Variants in PDZRN4 observed in about 807,000 individuals in gnomAD.
The protein encoded by PDZRN4 is PDZ domain-containing RING finger protein 4.
Under a neutral mutation model 99.0 loss-of-function variants are expected in PDZRN4, and 70 were observed. The observed-to-expected ratio is 0.71, with a 90% confidence interval of 0.58 to 0.86. PDZRN4 has a LOEUF of 0.86. Ranked by LOEUF, PDZRN4 falls within the 40% of genes least tolerant of loss-of-function variation. PDZRN4 has a pLI of 0.00. For synonymous variants in PDZRN4, 551 were observed against 501.6 expected (o/e 1.10, Z -1.32); for missense variants, 1,474 against 1,331.2 (o/e 1.11, Z -1.67).
chr12:41,351,929 G>A (rs1951892780), intron 3 of PDZRN4, among the ~76,000 whole-genome samples: 1 of 151,466 alleles, frequency 6.6e-6, no homozygotes, highest in Non-Finnish European at 1.5e-5. Flanking sequence ...AGGATTACTT[G>A]AGCTCAGGAG....
chr12:41,486,193 T>C (rs183028425), intron 3 of PDZRN4, among the ~76,000 whole-genome samples: 145 of 152,270 alleles, frequency 9.5e-4, no homozygotes, highest in African/African-American at 3.2e-3. Context: ...CATTAAAATA[T>C]TGAGGGCAGT....
intron 3 of PDZRN4, among the ~76,000 whole-genome samples, chr12:41,384,119 C>T (rs746279685): frequency 1.3e-5 from 2 of 151,656 alleles, no homozygotes; most frequent in Non-Finnish European, 2.9e-5. Flanking sequence ...TCTATAGAGA[C>T]TAAGCTTTTC....
At chr12:41,449,988 T>A (rs1320206390) in intron 3 of PDZRN4, among the ~76,000 whole-genome samples, 1 of 152,176 alleles carries the variant, frequency 6.6e-6, no homozygotes, top group Non-Finnish European at 1.5e-5. Flanking sequence ...TGCCTAAATT[T>A]TATTTGATGA....
intron 3 of PDZRN4, among the ~76,000 whole-genome samples, chr12:41,395,142 T>C (rs978042370): frequency 6.6e-5 from 10 of 152,170 alleles, no homozygotes; most frequent in Non-Finnish European, 1.5e-4. Context: ...CAGAACTTCA[T>C]CATCCATATC....
At chr12:41,199,775 T>A (rs73117095) in intron 3 of PDZRN4, among the ~76,000 whole-genome samples, 4,486 of 152,170 alleles carry the variant, frequency 0.029, 185 homozygotes, top group African/African-American at 0.089. Flanking sequence ...GAAAGTCAAA[T>A]ACCACATATT....
chr12:41,573,631 T>A lies in PDZRN4; in HGVS notation c.2852T>A (p.Val951Asp), dbSNP rs745671250. 1 of 1,613,904 alleles carries A rather than the reference T, an allele frequency of 6.2e-7. No homozygotes were observed. Among genetic ancestry groups the A allele is most frequent in the Non-Finnish European group, 8.5e-7 (1 of 1,179,966 alleles). The change falls in exon 10 of 10, where the codon GTT (valine) becomes GAT (aspartate). Residue 951 changes from valine to aspartate, a missense_variant. By Grantham distance (152) the Val-to-Asp change is radical. Transcript: ENST00000402685. ...AAAGAGGAGAGAAAGCAGCACCTGG[T>A]TAGGGCCAAAGAGCAGCGCCGTCGC... ...WSKEERKQHL[V>D]RAKEQRRRRE...
intron 3 of PDZRN4, among the ~76,000 whole-genome samples, chr12:41,340,633 A>C (rs1209718990): frequency 6.6e-6 from 1 of 151,902 alleles, no homozygotes; most frequent in Admixed American, 6.6e-5. Context: ...GAGATCAAGG[A>C]TACCCCCTTT....
chr12:41,278,182 G>C (rs570178129), intron 3 of PDZRN4, among the ~76,000 whole-genome samples: 12 of 152,238 alleles, frequency 7.9e-5, no homozygotes, highest in African/African-American at 2.2e-4. Context: ...AAGATAATAA[G>C]ACTGAAAGAG....
intron 3 of PDZRN4, among the ~76,000 whole-genome samples, chr12:41,457,678 A>G (rs2125287): frequency 0.52 from 78,233 of 151,638 alleles, 20,680 homozygotes; most frequent in African/African-American, 0.65. Flanking sequence ...TGTCAGAAAC[A>G]TGGTATTTGT....
intron 3 of PDZRN4, among the ~76,000 whole-genome samples, chr12:41,387,433 A>T (rs1170857560): frequency 2.6e-5 from 4 of 152,256 alleles, no homozygotes; most frequent in Admixed American, 2.0e-4. Context: ...ACATACAAAA[A>T]AATTAGCCAG....
chr12:41,225,378 A>G (rs1350020829), intron 3 of PDZRN4, among the ~76,000 whole-genome samples: 3 of 151,956 alleles, frequency 2.0e-5, no homozygotes, highest in African/African-American at 7.2e-5. Context: ...TGAATCAATG[A>G]TGTAATGTAT....
intron 3 of PDZRN4, among the ~76,000 whole-genome samples, chr12:41,395,872 A>G (rs1232463469): frequency 6.6e-6 from 1 of 152,084 alleles, no homozygotes; most frequent in Non-Finnish European, 1.5e-5. Flanking sequence ...TAAAAATTTT[A>G]TAGGAATGCC....
At chr12:41,434,431 G>C (rs75848646) in intron 3 of PDZRN4, among the ~76,000 whole-genome samples, 2,632 of 152,158 alleles carry the variant, frequency 0.017, 51 homozygotes, top group East Asian at 0.091. Flanking sequence ...ACAGTACTTA[G>C]ATCCTTGAAT....
At chr12:41,305,424 C>T (rs1395589645) in intron 3 of PDZRN4, among the ~76,000 whole-genome samples, 1 of 152,106 alleles carries the variant, frequency 6.6e-6, no homozygotes, top group Non-Finnish European at 1.5e-5. Context: ...ACTCGAGTGA[C>T]TATAATAAAA....
chr12:41,415,908 A>T (rs559254336), intron 3 of PDZRN4, among the ~76,000 whole-genome samples: 2 of 152,280 alleles, frequency 1.3e-5, no homozygotes, highest in East Asian at 3.9e-4. Flanking sequence ...CATGCTTGTG[A>T]ATATAATATG....
chr12:41,476,273 G>T (rs1443731974), intron 3 of PDZRN4, among the ~76,000 whole-genome samples: 2 of 152,172 alleles, frequency 1.3e-5, no homozygotes, highest in Non-Finnish European at 2.9e-5. Context: ...CTGCAAAATT[G>T]ACTGACACTA....
chr12:41,241,325 A>T (rs544959376), intron 3 of PDZRN4, among the ~76,000 whole-genome samples: 16 of 151,396 alleles, frequency 1.1e-4, no homozygotes, highest in African/African-American at 3.9e-4. Flanking sequence ...TGGAGCTATG[A>T]TATACTGTGT....
chr12:41,206,781 A>G (rs1434179502), intron 3 of PDZRN4, among the ~76,000 whole-genome samples: 1 of 151,904 alleles, frequency 6.6e-6, no homozygotes, highest in Non-Finnish European at 1.5e-5. Flanking sequence ...TTAAATACAC[A>G]TCTATCACAA....
intron 3 of PDZRN4, among the ~76,000 whole-genome samples, chr12:41,333,202 G>T (rs1047051732): frequency 1.3e-5 from 2 of 152,086 alleles, no homozygotes; most frequent in African/African-American, 4.8e-5. Context: ...GACTATTTTG[G>T]TAGCAATGAG....
Sources: allele counts gnomAD v4.1 joint callset (sites outside exome capture counted in the v4.1 genomes callset), GRCh38; gene constraint gnomAD v4.1.1; transcripts MANE v1.5; gene names NCBI Gene and HGNC (gene_info 2026-07-23, HGNC 2026-07-21).